Variants in UGGT2 observed in about 807,000 individuals in gnomAD.
UGGT2 encodes UDP-glucose glycoprotein glucosyltransferase 2.
In UGGT2, 180 loss-of-function variants were observed where a neutral mutation model predicts 192.1. That is an observed-to-expected ratio of 0.94 (90% CI 0.83 to 1.06). The LOEUF is 1.06. UGGT2 is among the 50% of genes least tolerant of loss of function. UGGT2 has a pLI of 0.00. For missense variants in UGGT2, 1,849 were observed against 1,795.7 expected, an observed-to-expected ratio of 1.03 and a Z score of -0.54; for synonymous variants, 580 against 591.0, an observed-to-expected ratio of 0.98 and a Z score of 0.27.
rs373326475 is a variant in UGGT2, at chr13:95,895,171, T to A, written c.2759+9A>T. On this transcript the variant is annotated intron_variant, in intron 23 of 38. Transcript: ENST00000376747. ...CAAAATGAATTGCTCTTAGAACTTA[T>A]ATACTCACTTATTTGCGTTGATTCC... is the stretch of plus-strand genomic sequence containing the variant. 25 of 1,573,150 alleles carry A rather than the reference T, an allele frequency of 1.6e-5. No homozygotes were observed. In the South Asian group the frequency reaches 2.8e-4, roughly 17 times the overall value.
At chr13:95,924,963 T>C (rs1040260658) in intron 20 of UGGT2, among the ~76,000 whole-genome samples, 1 of 152,228 alleles carries the variant, frequency 6.6e-6, no homozygotes, top group Non-Finnish European at 1.5e-5. Context: ...AAATTGCTCC[T>C]AAATTCTTGA....
At chr13:95,886,038 A>G (rs1263270028) in intron 26 of UGGT2, among the ~76,000 whole-genome samples, 2 of 152,172 alleles carry the variant, frequency 1.3e-5, no homozygotes, top group East Asian at 3.9e-4. Flanking sequence ...AAGCTAGTAT[A>G]GAGATTAAAG....
At chr13:95,852,989 G>T (rs1353418916) in intron 36 of UGGT2, among the ~76,000 whole-genome samples, 1 of 152,146 alleles carries the variant, frequency 6.6e-6, no homozygotes, top group Admixed American at 6.5e-5. Context: ...TTGTGGGAGG[G>T]ACCAGGTAGA....
At chr13:95,931,662 A>T (rs1193683702) in intron 17 of UGGT2, among the ~76,000 whole-genome samples, 1 of 151,652 alleles carries the variant, frequency 6.6e-6, no homozygotes, top group African/African-American at 2.4e-5. Flanking sequence ...GGCCCAGCGC[A>T]CCCTCTGTAG....
intron 12 of UGGT2, among the ~76,000 whole-genome samples, chr13:95,950,821 C>T (rs978622529): frequency 2.6e-5 from 4 of 151,800 alleles, no homozygotes; most frequent in Admixed American, 1.3e-4. Flanking sequence ...GCAGACTGTA[C>T]GCAGAAGAGA....
chr13:95,993,351 T>C (rs2051514999), intron 7 of UGGT2, among the ~76,000 whole-genome samples: 1 of 152,000 alleles, frequency 6.6e-6, no homozygotes, highest in African/African-American at 2.4e-5. Flanking sequence ...AATATATCCA[T>C]GTAACAAACC....
intron 38 of UGGT2, among the ~76,000 whole-genome samples, chr13:95,811,369 G>A (rs1174493805): frequency 6.6e-6 from 1 of 152,146 alleles, no homozygotes; most frequent in Non-Finnish European, 1.5e-5. Flanking sequence ...TTATGACACT[G>A]GACAATCCTA....
At chr13:96,009,681 G>A (rs937601611) in intron 5 of UGGT2, among the ~76,000 whole-genome samples, 1 of 152,120 alleles carries the variant, frequency 6.6e-6, no homozygotes, top group Non-Finnish European at 1.5e-5. Flanking sequence ...GTTGGTGGAT[G>A]CCTGTAATCC....
At chr13:96,021,390 T>G (rs2052510634) in intron 4 of UGGT2, among the ~76,000 whole-genome samples, 1 of 152,184 alleles carries the variant, frequency 6.6e-6, no homozygotes, top group Non-Finnish European at 1.5e-5. Context: ...TTACAAAATT[T>G]CCTTTAAAAG....
chr13:96,018,218 C>T (rs75070240), intron 4 of UGGT2, among the ~76,000 whole-genome samples: 2 of 152,014 alleles, frequency 1.3e-5, no homozygotes, highest in African/African-American at 2.4e-5. Flanking sequence ...AGACATAATA[C>T]GAAAATGTGA....
At chr13:96,040,327 G>A (rs2053128731) in intron 1 of UGGT2, among the ~76,000 whole-genome samples, 1 of 152,062 alleles carries the variant, frequency 6.6e-6, no homozygotes, top group South Asian at 2.1e-4. Flanking sequence ...GGCTTCAGCT[G>A]TTCCTTGGCT....
intron 21 of UGGT2, 23 bp downstream of exon 21, chr13:95,902,831 T>A: frequency 6.3e-7 from 1 of 1,599,086 alleles, no homozygotes; most frequent in Non-Finnish European, 8.5e-7. Context: ...CATACATATT[T>A]AATATTTCAA....
chr13:95,926,120 T>A (rs1454070294), intron 19 of UGGT2, among the ~76,000 whole-genome samples: 3 of 151,814 alleles, frequency 2.0e-5, no homozygotes, highest in East Asian at 1.9e-4. Context: ...AAAAAAAAAA[T>A]TTATGTCCCA....
chr13:95,812,947 C>T (rs549777102), intron 38 of UGGT2, among the ~76,000 whole-genome samples: 27 of 152,124 alleles, frequency 1.8e-4, no homozygotes, highest in Admixed American at 1.2e-3. Context: ...ACATTTTGAT[C>T]GGTGAATTGT....
At chr13:95,931,585 G>A (rs2049272875) in intron 17 of UGGT2, among the ~76,000 whole-genome samples, 1 of 152,056 alleles carries the variant, frequency 6.6e-6, no homozygotes, top group Non-Finnish European at 1.5e-5. Flanking sequence ...AGGCATGGCG[G>A]GCTGCGGGTC....
In UGGT2 at chr13:95,949,547, T is replaced by C. The variant is rs188987499; in HGVS notation, c.1336-93A>G. On this transcript the variant is annotated intron_variant, in intron 12 of 38. Transcript: ENST00000376747. The stretch of plus-strand genomic sequence containing the variant: ...TACTATATCGTGATAAATAAAAATA[T>C]ACATAGAATTTTCTATATTTCTGAT... The C allele has an allele frequency of 1.2e-5, 14 of 1,206,004 alleles. No individual in the cohort carries two copies. The African/African-American group carries it at 2.0e-4, about 18-fold the overall frequency. The allele number at this position is 1,206,004 out of a possible 1,614,324, so 74.7% of individuals were successfully genotyped here.
In UGGT2 at chr13:95,972,568, T is replaced by C. The variant is rs767356438; in HGVS notation, c.1184+12A>G. On this transcript the variant is annotated intron_variant, in intron 11 of 38. Transcript: ENST00000376747. Reference sequence around the variant, plus strand: ...AACCATAGTTCATTTACAGCAATAATTTAATACTTACCTAAAAGCGTCATA... The same window carrying C: ...AACCATAGTTCATTTACAGCAATAACTTAATACTTACCTAAAAGCGTCATA... 1 of 1,592,816 alleles carries C rather than the reference T, an allele frequency of 6.3e-7. No homozygotes were observed.
intron 4 of UGGT2, among the ~76,000 whole-genome samples, chr13:96,015,218 C>A (rs892000394): frequency 6.7e-6 from 1 of 149,764 alleles, no homozygotes; most frequent in African/African-American, 2.5e-5. Flanking sequence ...GTGGAGCTTG[C>A]AGTGAGCCGA....
intron 23 of UGGT2, 88 bp downstream of exon 23, chr13:95,895,090 CTA>C: frequency 7.7e-7 from 1 of 1,302,564 alleles, no homozygotes; most frequent in South Asian, 1.4e-5. Context: ...CTTTACTTGT[CTA>C]TATATTTGAA....
Sources: allele counts gnomAD v4.1 joint callset (sites outside exome capture counted in the v4.1 genomes callset), GRCh38; gene constraint gnomAD v4.1.1; transcripts MANE v1.5; gene names NCBI Gene and HGNC (gene_info 2026-07-23, HGNC 2026-07-21).